Variants in FZD3 observed in about 807,000 individuals in gnomAD.
FZD3 encodes the protein frizzled class receptor 3, also known as frizzled-3.
In FZD3, 30 loss-of-function variants were observed where a neutral mutation model predicts 60.7. The observed-to-expected ratio is 0.49, with a 90% CI of 0.37 to 0.67. The LOEUF is 0.67. FZD3 is among the 30% of genes least tolerant of loss of function. FZD3 has a pLI of 0.00. For synonymous variants in FZD3, 246 were observed against 275.2 expected (o/e 0.89, Z 1.05); for missense variants, 605 against 838.7 (o/e 0.72, Z 3.44).
rs554522202 is a variant in FZD3, at chr8:28,501,527, A to G, written c.-344-1143A>G. ...CTTTTCCTAACCTAGGCTCTCCACA[A>G]CAAACATAAGACTATCCAATGCATA... is the stretch of plus-strand genomic sequence containing the variant. On this transcript the variant is annotated intron_variant, in intron 2 of 7. Transcript: ENST00000240093. 6.6e-5 allele frequency among the ~76,000 whole-genome samples: 10 copies of G among 152,356 alleles called. No individual in the cohort carries two copies. In the South Asian group the frequency reaches 1.2e-3, roughly 19 times the overall value.
intron 7 of FZD3, among the ~76,000 whole-genome samples, chr8:28,560,973 C>G (rs2130475135): frequency 2.6e-5 from 4 of 152,160 alleles, no homozygotes; most frequent in Middle Eastern, 6.8e-3. Flanking sequence ...AACTTTTTAC[C>G]CATTAACATG....
Position 28,569,565 on chromosome 8 carries a change from T to C in FZD3, c.*6554T>C, listed in dbSNP as rs1805767842. On this transcript the variant is annotated 3_prime_UTR_variant, in exon 8 of 8. Transcript: ENST00000240093. ...CTTCTTATTCATCCCATGAACTAGA[T>C]CAACTTGTATTATTTTACTAGATCA... is the stretch of plus-strand genomic sequence containing the variant. 1 of 152,146 alleles carries C rather than the reference T, an allele frequency of 6.6e-6. No individual in the cohort carries two copies. Among genetic ancestry groups the C allele is most frequent in the South Asian group, 2.1e-4 (1 of 4,828 alleles). 9.4% of individuals were successfully genotyped at this position (152,146 alleles called of 1,614,324 possible). A position where few individuals can be genotyped will look rare whatever the true frequency, so the allele number is the denominator to read the frequency against.
chr8:28,518,922 G>T (rs1804502094), intron 3 of FZD3, among the ~76,000 whole-genome samples: 1 of 152,128 alleles, frequency 6.6e-6, no homozygotes, highest in African/African-American at 2.4e-5. Flanking sequence ...CAGTTCTCCA[G>T]TGGTTTTAAA....
rs893456202 is a variant in FZD3 at position 28,565,428 on chromosome 8, C to A, written c.*2417C>A. ...CTCTCCTGCAAACAGCATGAGAGAA[C>A]TAAAACAAACATTCACAAACAAAAA... On this transcript the variant is annotated 3_prime_UTR_variant, in exon 8 of 8. Coordinates refer to ENST00000240093, the MANE Select transcript of FZD3 (RefSeq NM_017412.4). 2.0e-5 allele frequency: 3 copies of A among 152,158 alleles called. No homozygotes were observed. The highest frequency in any genetic ancestry group is 4.4e-5 in the Non-Finnish European group (3 of 67,996). The allele number at this position is 152,158 out of a possible 1,614,324, so 9.4% of individuals were successfully genotyped here.
intron 5 of FZD3, among the ~76,000 whole-genome samples, chr8:28,551,261 G>A (rs1186558389): frequency 6.6e-6 from 1 of 152,232 alleles, no homozygotes. Context: ...GCCAGGCGCA[G>A]TGGCTCACGC....
intron 7 of FZD3, among the ~76,000 whole-genome samples, chr8:28,556,518 C>T (rs1254025454): frequency 6.6e-6 from 1 of 152,104 alleles, no homozygotes; most frequent in Non-Finnish European, 1.5e-5. Context: ...CAGTGAGTAC[C>T]TCATATCAGC....
At chr8:28,556,422 A>G (rs1390971402) in intron 7 of FZD3, among the ~76,000 whole-genome samples, 1 of 152,222 alleles carries the variant, frequency 6.6e-6, no homozygotes, top group East Asian at 1.9e-4. Flanking sequence ...TTATAAAATG[A>G]AAATAGTATT....
chr8:28,550,218 T>C (rs2130454335), intron 5 of FZD3, among the ~76,000 whole-genome samples: 1 of 152,044 alleles, frequency 6.6e-6, no homozygotes, highest in Admixed American at 6.5e-5. Context: ...TCCTCTGGAG[T>C]CAATTATGTT....
chr8:28,540,768 A>T (rs1459171502), intron 5 of FZD3, among the ~76,000 whole-genome samples: 1 of 152,018 alleles, frequency 6.6e-6, no homozygotes, highest in Non-Finnish European at 1.5e-5. Flanking sequence ...AACATGGTGA[A>T]ACCTTGTGTC....
chr8:28,557,168 C>T (rs1300601574), intron 7 of FZD3, among the ~76,000 whole-genome samples: 4 of 147,848 alleles, frequency 2.7e-5, no homozygotes, highest in South Asian at 2.1e-4. Context: ...GACATCGTGC[C>T]ACTGCACTCC....
intron 3 of FZD3, among the ~76,000 whole-genome samples, chr8:28,509,568 A>G (rs1436135268): frequency 6.6e-6 from 1 of 152,128 alleles, no homozygotes; most frequent in Non-Finnish European, 1.5e-5. Context: ...GAAAATCTAC[A>G]CTCATTAAAT....
In FZD3 at chr8:28,537,648, C is replaced by A. The variant is rs147919512; in HGVS notation, c.1404+9484C>A. Among the ~76,000 whole-genome samples, 243 of 152,282 alleles carry A rather than the reference C, an allele frequency of 1.6e-3. 1 individual carries two copies. Among genetic ancestry groups the A allele is most frequent in the Non-Finnish European group, 2.4e-3 (160 of 68,024 alleles). ...GAAACAGGCATTGCGACAGATTTGG[C>A]CTTCAGGCTGTAGTTTGTTGACAAG... On this transcript the variant is annotated intron_variant, in intron 5 of 7. Coordinates refer to ENST00000240093, the MANE Select transcript of FZD3 (RefSeq NM_017412.4).
At chr8:28,519,470 C>G (rs549198924) in intron 3 of FZD3, among the ~76,000 whole-genome samples, 3 of 152,218 alleles carry the variant, frequency 2.0e-5, no homozygotes, top group African/African-American at 7.2e-5. Context: ...TGGCTCATGC[C>G]TGTAATCCCA....
chr8:28,503,339 T>A (rs550470378), intron 3 of FZD3, 137 bp downstream of exon 3: 8 of 512,758 alleles, frequency 1.6e-5, no homozygotes, highest in Non-Finnish European at 2.7e-5. Context: ...AATTTAAAAA[T>A]GTATATGTTT....
At chr8:28,539,980 G>C (rs931232238) in intron 5 of FZD3, among the ~76,000 whole-genome samples, 1 of 151,900 alleles carries the variant, frequency 6.6e-6, no homozygotes, top group Non-Finnish European at 1.5e-5. Flanking sequence ...TATCTAAATA[G>C]AAAAATCAAA....
At chr8:28,520,089 A>G (rs1464797914) in intron 3 of FZD3, among the ~76,000 whole-genome samples, 1 of 151,938 alleles carries the variant, frequency 6.6e-6, no homozygotes, top group Non-Finnish European at 1.5e-5. Context: ...GCATGCCTAT[A>G]ATCGCAGCTA....
chr8:28,533,300 G>A (rs749300001), intron 5 of FZD3, among the ~76,000 whole-genome samples: 5 of 151,690 alleles, frequency 3.3e-5, no homozygotes, highest in Non-Finnish European at 7.4e-5. Context: ...GCCTCCCAAA[G>A]CACTGGGATA....
intron 5 of FZD3, among the ~76,000 whole-genome samples, chr8:28,550,857 A>T (rs1805395843): frequency 6.6e-6 from 1 of 152,106 alleles, no homozygotes; most frequent in Non-Finnish European, 1.5e-5. Context: ...ATTTCTAATT[A>T]GTCATTATTC....
At chr8:28,555,598 A>G (rs776910831) in intron 6 of FZD3, 140 bp from the exon 7 acceptor site, 31 of 624,262 alleles carry the variant, frequency 5.0e-5, no homozygotes, top group African/African-American at 2.2e-4. Context: ...TCTGTCAACA[A>G]TGTTTCTTCA....
Sources: gnomAD v4.1 joint callset for allele counts (sites outside exome capture counted in the v4.1 genomes callset) on GRCh38, gnomAD v4.1.1 for gene constraint, MANE v1.5 for transcripts, NCBI Gene and HGNC (gene_info 2026-07-23, HGNC 2026-07-21) for gene names.